Variants in CDH13 observed in about 807,000 individuals in gnomAD.
CDH13 encodes the protein cadherin 13.
Under a neutral mutation model 63.8 loss-of-function variants are expected in CDH13, and 24 were observed. The ratio of observed to expected loss-of-function variants is 0.38; its 90% confidence interval spans 0.27 to 0.53. CDH13 has a LOEUF of 0.53. CDH13 is among the 20% of genes least tolerant of loss of function. The pLI, the probability that CDH13 is intolerant of heterozygous loss-of-function variation, is 0.85. For synonymous variants in CDH13, 503 were observed against 355.3 expected, an observed-to-expected ratio of 1.42 and a Z score of -4.67; for missense variants, 1,049 against 903.1, an observed-to-expected ratio of 1.16 and a Z score of -2.07.
At chr16:83,312,762 T>A (rs2090027939) in intron 5 of CDH13, among the ~76,000 whole-genome samples, 1 of 152,140 alleles carries the variant, frequency 6.6e-6, no homozygotes, top group Non-Finnish European at 1.5e-5. Flanking sequence ...AAAAGCTCAA[T>A]CACTTGTCTC....
intron 10 of CDH13, among the ~76,000 whole-genome samples, chr16:83,696,067 T>C (rs895215809): frequency 2.6e-5 from 4 of 151,910 alleles, no homozygotes; most frequent in Non-Finnish European, 5.9e-5. Context: ...TTTTTCTATT[T>C]GTTTGTAGAG....
chr16:83,160,003 G>A (rs142466032), intron 4 of CDH13, among the ~76,000 whole-genome samples: 2,625 of 152,168 alleles, frequency 0.017, 30 homozygotes, highest in Non-Finnish European at 0.028. Flanking sequence ...TTGAACCCAG[G>A]AGGCAGAGGT....
At chr16:82,842,566 C>T (rs2039079970) in intron 1 of CDH13, among the ~76,000 whole-genome samples, 1 of 152,098 alleles carries the variant, frequency 6.6e-6, no homozygotes, top group Admixed American at 6.5e-5. Flanking sequence ...CTCTATTTTG[C>T]TGTTTCTATG....
chr16:83,762,935 G>A (rs1030354214), intron 11 of CDH13, among the ~76,000 whole-genome samples: 8 of 152,134 alleles, frequency 5.3e-5, no homozygotes, highest in Admixed American at 2.0e-4. Context: ...AAAGAAAGAC[G>A]AAAACAAAAG....
At chr16:83,024,210 A>T (rs572252273) in intron 2 of CDH13, among the ~76,000 whole-genome samples, 24 of 152,278 alleles carry the variant, frequency 1.6e-4, no homozygotes, top group African/African-American at 5.3e-4. Context: ...TAGTGGATAC[A>T]AGGACAAACT....
At chr16:82,865,387 C>T (rs184673354) in intron 2 of CDH13, among the ~76,000 whole-genome samples, 60 of 152,344 alleles carry the variant, frequency 3.9e-4, no homozygotes, top group Admixed American at 9.1e-4. Context: ...CGTGGACATC[C>T]AGGTGTTTCC....
In CDH13 at chr16:82,639,515, G is replaced by C. The variant is rs569316960; in HGVS notation, c.45+12378G>C. ...TGTGGCTGGATGGAATTCTTCCCTA[G>C]GGATGCTAAGAAACCCTGTTGCCTA... On this transcript the variant is annotated intron_variant, in intron 1 of 13. Transcript: ENST00000567109. 5.5e-4 allele frequency: 688 copies of C among 1,259,688 alleles called. 1 individual carries two copies. The highest frequency in any genetic ancestry group is 1.2e-3 in the African/African-American group (80 of 67,912). 78.0% of individuals were successfully genotyped at this position (1,259,688 alleles called of 1,614,324 possible).
intron 7 of CDH13, among the ~76,000 whole-genome samples, chr16:83,538,578 G>T (rs987287222): frequency 3.9e-5 from 6 of 152,232 alleles, no homozygotes; most frequent in African/African-American, 1.4e-4. Context: ...GGATGTCCTT[G>T]TTGGGTGAGT....
At position 83,797,204 on chromosome 16, in the gene CDH13, T is replaced by A. The variant is rs529244118; in HGVS notation, c.*2174T>A. 1 of 152,254 alleles carries A rather than the reference T, an allele frequency of 6.6e-6. No individual in the cohort carries two copies. Among genetic ancestry groups the A allele is most frequent in the Admixed American group, 6.5e-5 (1 of 15,292 alleles). The allele number at this position is 152,254 out of a possible 1,614,324, so 9.4% of individuals were successfully genotyped here. A position where few individuals can be genotyped will look rare whatever the true frequency, so the allele number is the denominator to read the frequency against. On this transcript the variant is annotated 3_prime_UTR_variant, in exon 14 of 14. Transcript: ENST00000567109. Reference sequence around the variant, plus strand: ...CAGGCGGCTGGTAGCCGGACACATATGCTAACTGGCAATCAGGAAGTCACC... The same window carrying A: ...CAGGCGGCTGGTAGCCGGACACATAAGCTAACTGGCAATCAGGAAGTCACC...
chr16:82,987,667 G>C (rs1911119544), intron 2 of CDH13, among the ~76,000 whole-genome samples: 1 of 152,220 alleles, frequency 6.6e-6, no homozygotes, highest in Non-Finnish European at 1.5e-5. Context: ...ATGAGCCACT[G>C]TGCCAGGCCA....
At chr16:83,028,929 C>G (rs1471081472) in intron 2 of CDH13, among the ~76,000 whole-genome samples, 4 of 152,142 alleles carry the variant, frequency 2.6e-5, no homozygotes, top group African/African-American at 7.2e-5. Context: ...GCAGTGGTGA[C>G]AGGCAAATGG....
chr16:82,783,547 G>C (rs556619540), intron 1 of CDH13, among the ~76,000 whole-genome samples: 1 of 152,210 alleles, frequency 6.6e-6, no homozygotes, highest in Non-Finnish European at 1.5e-5. Context: ...TGAGGATGTA[G>C]AGAAAAACTT....
intron 5 of CDH13, among the ~76,000 whole-genome samples, chr16:83,295,798 T>A (rs1166026983): frequency 1.3e-5 from 2 of 152,150 alleles, no homozygotes; most frequent in African/African-American, 4.8e-5. Flanking sequence ...TATCATATGA[T>A]TCAACAATCT....
intron 6 of CDH13, among the ~76,000 whole-genome samples, chr16:83,423,863 A>G (rs1178496018): frequency 6.6e-6 from 1 of 152,210 alleles, no homozygotes; most frequent in Admixed American, 6.5e-5. Flanking sequence ...GGGGAAAGAT[A>G]ATTCTTACTT....
rs571611712 is a variant in CDH13, at chr16:83,343,394, C to G, written c.637-1468C>G. Among the ~76,000 whole-genome samples the G allele has an allele frequency of 3.2e-3, 488 of 152,284 alleles. 4 individuals are homozygous for G. The highest frequency in any genetic ancestry group is 0.011 in the African/African-American group (460 of 41,552). ...AACTAGTTCCCTTCCACTGGATGTT[C>G]AGGCAGATGCCAGTGTAATTTTATT... On this transcript the variant is annotated intron_variant, in intron 5 of 13. Transcript: ENST00000567109.
rs1033673821 is a variant in CDH13 at position 83,060,415 on chromosome 16, A to G, written c.366+28197A>G. The stretch of plus-strand genomic sequence containing the variant: ...TAAATTGCAGGCCTTCTTTGAAAAG[A>G]CAAAGTGTGAAAGGGAAGAGAACTG... On this transcript the variant is annotated intron_variant, in intron 3 of 13. Transcript: ENST00000567109. Among the ~76,000 whole-genome samples, 7 of 152,294 alleles carry G rather than the reference A, an allele frequency of 4.6e-5. No individual in the cohort carries two copies. In the South Asian group the frequency reaches 1.2e-3, roughly 27 times the overall value.
chr16:82,638,335 C>G (rs542325609), intron 1 of CDH13, among the ~76,000 whole-genome samples: 77 of 152,278 alleles, frequency 5.1e-4, no homozygotes, highest in South Asian at 1.7e-3. Flanking sequence ...TAGAAGTGAG[C>G]TTGAATCCCT....
chr16:82,830,557 G>A (rs189994953), intron 1 of CDH13, among the ~76,000 whole-genome samples: 65 of 152,258 alleles, frequency 4.3e-4, no homozygotes, highest in Middle Eastern at 3.4e-3. Context: ...GGGTGGGAGC[G>A]CTTAGAAGAT....
At chr16:83,203,551 G>T (rs577165982) in intron 4 of CDH13, among the ~76,000 whole-genome samples, 3 of 150,630 alleles carry the variant, frequency 2.0e-5, no homozygotes, top group African/African-American at 4.9e-5. Flanking sequence ...GCCGGCTGTC[G>T]TGGTGGGTGC....
Sources: gnomAD v4.1 joint callset for allele counts (sites outside exome capture counted in the v4.1 genomes callset) on GRCh38, gnomAD v4.1.1 for gene constraint, MANE v1.5 for transcripts, NCBI Gene and HGNC (gene_info 2026-07-23, HGNC 2026-07-21) for gene names.